OPA1: variants seen among roughly 807,000 people sequenced by gnomAD.
OPA1 encodes the protein dynamin-like GTPase OPA1, mitochondrial.
OPA1 carries 59 observed loss-of-function variants against 152.9 expected under a neutral mutation model. That is an observed-to-expected ratio of 0.39 (90% CI 0.31 to 0.48). OPA1 has a LOEUF of 0.48. Among genes scored for constraint, OPA1 ranks in the 20% least tolerant of loss-of-function variants. The pLI is 0.96. For synonymous variants in OPA1, 400 were observed against 389.9 expected, an observed-to-expected ratio of 1.03 and a Z score of -0.31; for missense variants, 1,008 against 1,216.8, an observed-to-expected ratio of 0.83 and a Z score of 2.55.
At chr3:193,688,405 G>A (rs1313208825) in intron 29 of OPA1, among the ~76,000 whole-genome samples, 1 of 141,380 alleles carries the variant, frequency 7.1e-6, no homozygotes, top group Non-Finnish European at 1.5e-5. Context: ...TACTTAGGAG[G>A]TGTAACTGTT....
At chr3:193,692,438 G>A (rs1015640333) in intron 30 of OPA1, among the ~76,000 whole-genome samples, 11 of 152,144 alleles carry the variant, frequency 7.2e-5, no homozygotes, top group South Asian at 4.1e-4. Context: ...GAATTGAGCT[G>A]TAGTTGACAT....
At position 193,614,726 on chromosome 3, in the gene OPA1, G is replaced by A; in HGVS notation, c.36G>A (p.Glu12=). The part of the protein sequence containing the change: ...WRLRRAAVAC[E]VCQSLVKHSS... ...TCCATATTCATTTTTCTTTCAGTGAGGTCTGCCAGTCTTTAGTGAAACACA... is the reference window on the plus strand; with the variant it reads ...TCCATATTCATTTTTCTTTCAGTGAAGTCTGCCAGTCTTTAGTGAAACACA... The change falls in exon 2 of 31, where the codon GAG becomes GAA. Residue 12 remains glutamate, a synonymous_variant. Transcript: ENST00000361510. 6.2e-7 allele frequency: 1 copy of A among 1,611,384 alleles called. No individual in the cohort carries two copies. Among genetic ancestry groups the A allele is most frequent in the South Asian group, 1.1e-5 (1 of 91,010 alleles).
chr3:193,597,528 T>C (rs1725792763), intron 1 of OPA1, among the ~76,000 whole-genome samples: 1 of 151,752 alleles, frequency 6.6e-6, no homozygotes, highest in Non-Finnish European at 1.5e-5. Flanking sequence ...CTGTCTCTAC[T>C]AAAAATACAA....
intron 3 of OPA1, among the ~76,000 whole-genome samples, chr3:193,616,110 A>G (rs1485001800): frequency 1.3e-5 from 2 of 152,170 alleles, no homozygotes; most frequent in Non-Finnish European, 2.9e-5. Context: ...TGAACTGGCT[A>G]AAGTAGTCCT....
At position 193,643,482 on chromosome 3, in the gene OPA1, A is replaced by T. The variant is rs145646386; in HGVS notation, c.1377+38A>T. On this transcript the variant is annotated intron_variant, in intron 14 of 30. Transcript: ENST00000361510. ...AAAACATGTATTTTATTTTATTCTT[A>T]TTGTGTGAAGCATTTATAATGACAT... 8.8e-4 allele frequency: 1,413 copies of T among 1,605,454 alleles called. 12 individuals carry two copies. In the African/African-American group the frequency reaches 0.017, roughly 19 times the overall value.
intron 27 of OPA1, among the ~76,000 whole-genome samples, 182 bp from the exon 28 acceptor site, chr3:193,666,114 A>G (rs1358610324): frequency 6.6e-6 from 1 of 152,232 alleles, no homozygotes; most frequent in African/African-American, 2.4e-5. Context: ...CAAATTATGC[A>G]GAATTTCATG....
intron 22 of OPA1, among the ~76,000 whole-genome samples, chr3:193,656,264 G>A (rs1577292665): frequency 1.3e-5 from 2 of 152,090 alleles, no homozygotes; most frequent in South Asian, 4.2e-4. Context: ...AGGTGTCATG[G>A]AAAGAATGTA....
chr3:193,659,325 C>T (rs925778857), intron 24 of OPA1, among the ~76,000 whole-genome samples, 157 bp from the exon 25 acceptor site: 2 of 152,176 alleles, frequency 1.3e-5, no homozygotes, highest in Non-Finnish European at 2.9e-5. Context: ...AACTCTTACA[C>T]ATGTGCCATA....
chr3:193,634,884 T>G (rs1732705943), intron 8 of OPA1, among the ~76,000 whole-genome samples: 1 of 152,138 alleles, frequency 6.6e-6, no homozygotes, highest in Non-Finnish European at 1.5e-5. Context: ...AATTCCTGCT[T>G]TATGGGGTTT....
At chr3:193,596,584 T>C (rs1725634278) in intron 1 of OPA1, among the ~76,000 whole-genome samples, 1 of 152,062 alleles carries the variant, frequency 6.6e-6, no homozygotes, top group African/African-American at 2.4e-5. Flanking sequence ...AGAGGACACC[T>C]AGCACTGAGC....
In OPA1 at chr3:193,645,761, A is replaced by T; in HGVS notation, c.1715A>T (p.Glu572Val). The change falls in exon 18 of 31, where the codon GAA becomes GTA. Residue 572 changes from glutamate (E) to valine (V), a missense_variant. Transcript: ENST00000361510. ...TCTGAAAGCATTGAAGCTATAAGAG[A>T]ATATGAAGAAGAGTTTTTTCAGAAT... is the stretch of plus-strand genomic sequence containing the variant. The part of the protein sequence containing the change: ...NSSESIEAIR[E>V]YEEEFFQNSK... 3 of 1,613,618 alleles carry T rather than the reference A, an allele frequency of 1.9e-6. No individual in the cohort carries two copies. Among genetic ancestry groups the T allele is most frequent in the Non-Finnish European group, 1.7e-6 (2 of 1,179,708 alleles).
intron 21 of OPA1, among the ~76,000 whole-genome samples, chr3:193,651,931 GAATTT>G (rs1668689862): frequency 6.6e-6 from 1 of 151,954 alleles, no homozygotes; most frequent in African/African-American, 2.4e-5. Flanking sequence ...ATTTTAAAAA[GAATTT>G]AATTAAAGTG....
chr3:193,605,237 T>G (rs527595446), intron 1 of OPA1, among the ~76,000 whole-genome samples: 8 of 152,270 alleles, frequency 5.3e-5, no homozygotes, highest in Admixed American at 2.6e-4. Context: ...GTGGGTACAT[T>G]AGGTTATAAA....
At chr3:193,663,269 G>A (rs1320108815) in intron 26 of OPA1, among the ~76,000 whole-genome samples, 3 of 152,166 alleles carry the variant, frequency 2.0e-5, no homozygotes, top group Admixed American at 1.3e-4. Flanking sequence ...CCCACGTCAC[G>A]CTGTTTCAGA....
chr3:193,622,947 AC>A (rs1377069277), intron 6 of OPA1, among the ~76,000 whole-genome samples: 1 of 152,200 alleles, frequency 6.6e-6, no homozygotes, highest in Non-Finnish European at 1.5e-5. Flanking sequence ...ATATTTGGCA[AC>A]CATTGAGGAG....
intron 28 of OPA1, among the ~76,000 whole-genome samples, chr3:193,666,611 G>T (rs1009118174): frequency 1.3e-5 from 2 of 152,022 alleles, no homozygotes; most frequent in African/African-American, 4.8e-5. Context: ...AACATTGTGA[G>T]ACTCTATCTC....
At position 193,627,495 on chromosome 3, in the gene OPA1, C is replaced by T. The variant is rs541262623; in HGVS notation, c.789+1293C>T. 3.3e-5 allele frequency among the ~76,000 whole-genome samples: 5 copies of T among 152,262 alleles called. No individual in the cohort carries two copies. In the East Asian group the frequency reaches 9.6e-4, roughly 29 times the overall value. On this transcript the variant is annotated intron_variant, in intron 7 of 30. Coordinates refer to ENST00000361510, the MANE Select transcript of OPA1 (RefSeq NM_130837.3). The stretch of plus-strand genomic sequence containing the variant: ...AAATTGGATGCTTAGGCTGAGCCAC[C>T]TATACTTTAGTTTTGTTATGGAAAG...
intron 1 of OPA1, among the ~76,000 whole-genome samples, chr3:193,604,860 C>CAAAAAAAAAAAAAAAAAAAA (rs55904490): frequency 2.9e-5 from 3 of 104,590 alleles, no homozygotes; most frequent in African/African-American, 1.2e-4. Flanking sequence ...AACTCCATCT[C>CAAAAAAAAAAAAAAAAAAAA]AAAAAAAAAA....
At chr3:193,642,903 AAAAGACAGT>A in intron 12 of OPA1, 58 bp downstream of exon 12, 12 of 1,567,094 alleles carry the variant, frequency 7.7e-6, no homozygotes, top group Non-Finnish European at 1.1e-5. Flanking sequence ...ATGAGCTTAT[AAAAGACAGT>A]TAAAGAATAT....
Sources: allele counts gnomAD v4.1 joint callset (sites outside exome capture counted in the v4.1 genomes callset), GRCh38; gene constraint gnomAD v4.1.1; transcripts MANE v1.5; gene names NCBI Gene and HGNC (gene_info 2026-07-23, HGNC 2026-07-21).